Variants in CLIP4 observed in about 807,000 individuals in gnomAD.
The protein encoded by CLIP4 is CAP-Gly domain-containing linker protein 4.
In CLIP4, 47 loss-of-function variants were observed where a neutral mutation model predicts 73.1. The ratio of observed to expected loss-of-function variants is 0.64; its 90% CI spans 0.51 to 0.82. The LOEUF is 0.82. Ranked by LOEUF, CLIP4 falls within the 40% of genes least tolerant of loss-of-function variation. The pLI is 0.00. For synonymous variants in CLIP4, 306 were observed against 295.4 expected (o/e 1.04, Z -0.37); for missense variants, 874 against 852.9 (o/e 1.02, Z -0.31).
chr2:29,137,706 C>A (rs3099564), intron 6 of CLIP4, among the ~76,000 whole-genome samples: 22,447 of 152,074 alleles, frequency 0.15, 2,047 homozygotes, highest in Middle Eastern at 0.24. Flanking sequence ...TTAATAATGG[C>A]CATTCTGACT....
chr2:29,127,166 T>C (rs1053639920), intron 2 of CLIP4, among the ~76,000 whole-genome samples: 2 of 152,074 alleles, frequency 1.3e-5, no homozygotes, highest in Admixed American at 6.5e-5. Flanking sequence ...AGTCAGAGGT[T>C]TGATAATATC....
At chr2:29,130,272 CT>C (rs1397238431) in intron 2 of CLIP4, among the ~76,000 whole-genome samples, 1 of 152,114 alleles carries the variant, frequency 6.6e-6, no homozygotes, top group Non-Finnish European at 1.5e-5. Flanking sequence ...ATTCAGGGTG[CT>C]TTTCTTAATA....
chr2:29,169,488 CCAA>C (rs1667864214), intron 14 of CLIP4, among the ~76,000 whole-genome samples: 1 of 151,988 alleles, frequency 6.6e-6, no homozygotes, highest in Admixed American at 6.6e-5. Context: ...ATAATTATCT[CCAA>C]ATATAGTCAC....
intron 1 of CLIP4, among the ~76,000 whole-genome samples, chr2:29,118,751 C>T (rs1664048912): frequency 6.6e-6 from 1 of 151,940 alleles, no homozygotes; most frequent in African/African-American, 2.4e-5. Flanking sequence ...AATGCCTGAC[C>T]TTGGGTGATC....
upstream of CLIP4, chr2:29,114,763 G>A (rs895930674): frequency 6.6e-6 from 1 of 152,310 alleles, no homozygotes; most frequent in Admixed American, 6.5e-5. Flanking sequence ...CCTCTATGAA[G>A]CAGCCGCTGT....
At chr2:29,121,552 G>A (rs779950589) in intron 2 of CLIP4, 31 bp downstream of exon 2, 3 of 1,607,304 alleles carry the variant, frequency 1.9e-6, no homozygotes, top group East Asian at 2.2e-5. Context: ...TATTTTCTGT[G>A]AACTGGTAAC....
chr2:29,115,326 G>C (rs1218794535), upstream of CLIP4: 1 of 152,002 alleles, frequency 6.6e-6, no homozygotes, highest in Non-Finnish European at 1.5e-5. This position sits in a 1 kb window ranked among gnomAD's most constrained non-coding sequence, Gnocchi z 5.1. Flanking sequence ...CCGGGGTCGC[G>C]GCCCCGCGTG....
intron 15 of CLIP4, among the ~76,000 whole-genome samples, chr2:29,178,854 G>A (rs1212315970): frequency 6.6e-6 from 1 of 152,096 alleles, no homozygotes; most frequent in Non-Finnish European, 1.5e-5. Context: ...GAGAGCAGTG[G>A]CACTATCTCA....
chr2:29,157,582 C>T (rs1007506684), intron 11 of CLIP4, among the ~76,000 whole-genome samples: 1 of 152,178 alleles, frequency 6.6e-6, no homozygotes, highest in Non-Finnish European at 1.5e-5. Flanking sequence ...GGTTTTACCT[C>T]ATCTGAATTT....
At chr2:29,144,783 A>G (rs1666031155) in intron 7 of CLIP4, among the ~76,000 whole-genome samples, 1 of 148,914 alleles carries the variant, frequency 6.7e-6, no homozygotes, top group Non-Finnish European at 1.5e-5. Context: ...TGAGTTTCCC[A>G]ACATAGTTAT....
At chr2:29,117,828 A>G (rs541891419) in intron 1 of CLIP4, among the ~76,000 whole-genome samples, 1 of 152,206 alleles carries the variant, frequency 6.6e-6, no homozygotes, top group Admixed American at 6.5e-5. Context: ...TGTAATTTAT[A>G]TGAGGGCAAG....
At chr2:29,119,080 G>A (rs952456002) in intron 1 of CLIP4, among the ~76,000 whole-genome samples, 1 of 152,152 alleles carries the variant, frequency 6.6e-6, no homozygotes. Context: ...AGTTTTTCAC[G>A]AAAATAAGGA....
chr2:29,163,887 G>C lies in CLIP4; in HGVS notation c.1591G>C (p.Gly531Arg). The C allele has an allele frequency of 6.2e-7, 1 of 1,613,494 alleles. No individual in the cohort carries two copies. The highest frequency in any genetic ancestry group is 8.5e-7 in the Non-Finnish European group (1 of 1,179,464). The stretch of plus-strand genomic sequence containing the variant: ...CCATGGCAAGAATGATGGTTCAGTT[G>C]GAGGTGTGCAGTATTTTAGCTGTTC... ...KPHGKNDGSV[G>R]GVQYFSCSPR... is the part of the protein sequence containing the mutation. The change falls in exon 13 of 16, where the codon GGA becomes CGA. Residue 531 changes from glycine to arginine, a missense_variant. Coordinates refer to ENST00000320081, the MANE Select transcript of CLIP4 (RefSeq NM_024692.6).
chr2:29,110,858 T>C (rs1206124696), upstream of CLIP4, among the ~76,000 whole-genome samples: 1 of 152,082 alleles, frequency 6.6e-6, no homozygotes, highest in Non-Finnish European at 1.5e-5. Context: ...CTGGCTAATT[T>C]TTGTATTTTT....
intron 2 of CLIP4, among the ~76,000 whole-genome samples, chr2:29,129,674 C>G (rs528114305): frequency 3.6e-4 from 54 of 151,972 alleles, no homozygotes; most frequent in Non-Finnish European, 6.0e-4. Flanking sequence ...TTTAGAGAAG[C>G]TATTTTTGAG....
Position 29,177,056 on chromosome 2 carries a change from A to G in CLIP4, c.1796+2611A>G, listed in dbSNP as rs552177995. On this transcript the variant is annotated intron_variant, in intron 15 of 15. Coordinates refer to ENST00000320081, the MANE Select transcript of CLIP4 (RefSeq NM_024692.6). Reference sequence around the variant, plus strand: ...TTTCCCTGACTTTTTTTTCATGGCAATATCCTCACAGGTGATTGCAGTTCT... The same window carrying G: ...TTTCCCTGACTTTTTTTTCATGGCAGTATCCTCACAGGTGATTGCAGTTCT... Among the ~76,000 whole-genome samples, 8 of 152,316 alleles carry G rather than the reference A, an allele frequency of 5.3e-5. No homozygotes were observed. The East Asian group carries it at 5.8e-4, about 11-fold the overall frequency.
intron 14 of CLIP4, 188 bp downstream of exon 14, chr2:29,167,728 C>T (rs1667719858): frequency 6.9e-6 from 3 of 436,604 alleles, no homozygotes; most frequent in Non-Finnish European, 1.2e-5. Flanking sequence ...CTGTAGAAAC[C>T]CCTGAGTACC....
chr2:29,122,240 C>CTTTTTTTT (rs11359647), intron 2 of CLIP4, among the ~76,000 whole-genome samples: 1 of 135,274 alleles, frequency 7.4e-6, no homozygotes, highest in Non-Finnish European at 1.6e-5. Context: ...CTCCAAGTTT[C>CTTTTTTTT]TTTTTTTTTT....
In CLIP4 at chr2:29,166,184, T is replaced by G. The variant is rs547993077; in HGVS notation, c.1659-1292T>G. ...TAATCTGAACCAGCTTTGGAACTCT[T>G]GAAAGATACCACTGATCTTCAAGAT... On this transcript the variant is annotated intron_variant, in intron 13 of 15. Transcript: ENST00000320081. Among the ~76,000 whole-genome samples the G allele has an allele frequency of 3.2e-3, 489 of 152,248 alleles. 2 individuals carry two copies. Among genetic ancestry groups the G allele is most frequent in the Middle Eastern group, 0.01 (3 of 294 alleles).
Sources: allele counts gnomAD v4.1 joint callset (sites outside exome capture counted in the v4.1 genomes callset), GRCh38; gene constraint gnomAD v4.1.1; non-coding constraint Gnocchi (gnomAD v3.1); transcripts MANE v1.5; gene names NCBI Gene and HGNC (gene_info 2026-07-23, HGNC 2026-07-21).